The following DIAPH3 variants were observed in gnomAD, a reference collection of about 807,000 sequenced individuals.
DIAPH3 encodes the protein diaphanous related formin 3.
A neutral mutation model predicts 144.3 loss-of-function variants in DIAPH3; 117 were observed. The observed-to-expected ratio is 0.81, with a 90% CI of 0.70 to 0.95. DIAPH3 has a LOEUF of 0.95. Among genes scored for constraint, DIAPH3 ranks in the 40% least tolerant of loss-of-function variants. The pLI, the probability that DIAPH3 is intolerant of heterozygous loss-of-function variation, is 0.00. For missense variants in DIAPH3, 1,421 were observed against 1,412.7 expected, an observed-to-expected ratio of 1.01 and a Z score of -0.09; for synonymous variants, 519 against 488.9, an observed-to-expected ratio of 1.06 and a Z score of -0.81.
intron 17 of DIAPH3, among the ~76,000 whole-genome samples, chr13:59,941,527 A>G (rs765432007): frequency 6.6e-6 from 1 of 152,072 alleles, no homozygotes; most frequent in Non-Finnish European, 1.5e-5. Context: ...TCCTGTCTGG[A>G]CCTCCACAGG....
intron 20 of DIAPH3, among the ~76,000 whole-genome samples, chr13:59,896,402 A>G (rs1419602301): frequency 2.0e-5 from 3 of 152,144 alleles, no homozygotes; most frequent in Non-Finnish European, 4.4e-5. Context: ...CCAAACCATC[A>G]TCTTTTGAGT....
intron 27 of DIAPH3, among the ~76,000 whole-genome samples, chr13:59,697,297 A>G (rs542219980): frequency 8.4e-4 from 128 of 151,620 alleles, no homozygotes; most frequent in African/African-American, 2.8e-3. Flanking sequence ...GTCTCTACTA[A>G]AAATACAAAA....
rs527589551 is a variant in DIAPH3 at position 59,752,647 on chromosome 13, C to T, written c.3319+21542G>A. 1.7e-3 allele frequency among the ~76,000 whole-genome samples: 257 copies of T among 152,226 alleles called. 1 individual carries two copies. The highest frequency in any genetic ancestry group is 3.0e-3 in the Non-Finnish European group (203 of 68,016). On this transcript the variant is annotated intron_variant, in intron 27 of 27. Coordinates refer to ENST00000400324, the MANE Select transcript of DIAPH3 (RefSeq NM_001042517.2). ...ACTTCCAAAGTGCTGGGATTACAGA[C>T]GTGAGCCACTGCACCCAGCTAATGT...
At chr13:59,922,605 T>C (rs1347824094) in intron 18 of DIAPH3, among the ~76,000 whole-genome samples, 1 of 152,004 alleles carries the variant, frequency 6.6e-6, no homozygotes, top group African/African-American at 2.4e-5. Context: ...AACTCTAAAT[T>C]TCATGACAAA....
chr13:60,032,581 G>A (rs192735887), intron 5 of DIAPH3, among the ~76,000 whole-genome samples: 10 of 152,302 alleles, frequency 6.6e-5, no homozygotes, highest in South Asian at 6.2e-4. Flanking sequence ...AGCTGGAGCC[G>A]GAGTGGCAGG....
chr13:59,826,745 C>G (rs1230425849), intron 24 of DIAPH3, among the ~76,000 whole-genome samples: 1 of 151,944 alleles, frequency 6.6e-6, no homozygotes, highest in Non-Finnish European at 1.5e-5. Flanking sequence ...GCCAAAAGAA[C>G]AAAGCTGGAG....
chr13:59,672,210 A>G (rs2032411796), intron 27 of DIAPH3, among the ~76,000 whole-genome samples: 1 of 152,200 alleles, frequency 6.6e-6, no homozygotes, highest in East Asian at 1.9e-4. Flanking sequence ...AGTATCAGTT[A>G]TGGTTCAGAA....
At chr13:59,836,203 C>A (rs935681109) in intron 23 of DIAPH3, among the ~76,000 whole-genome samples, 2 of 151,746 alleles carry the variant, frequency 1.3e-5, no homozygotes, top group Non-Finnish European at 3.0e-5. Context: ...TCTATTTGTT[C>A]TTCTCCTTAA....
rs140246560 is a variant in DIAPH3, at chr13:59,998,173, C to T, written c.1015-5590G>A. On this transcript the variant is annotated intron_variant, in intron 9 of 27. Coordinates refer to ENST00000400324, the MANE Select transcript of DIAPH3 (RefSeq NM_001042517.2). ...CATTGAAGTAACTGCATATACCCCA[C>T]ATTGACTCAGAGAAATAAAATGCAG... is the stretch of plus-strand genomic sequence containing the variant. 3.2e-4 allele frequency among the ~76,000 whole-genome samples: 49 copies of T among 152,178 alleles called. No individual in the cohort carries two copies. In the East Asian group the frequency reaches 8.1e-3, roughly 25 times the overall value.
At chr13:59,789,305 T>C (rs1222062494) in intron 25 of DIAPH3, among the ~76,000 whole-genome samples, 2 of 152,126 alleles carry the variant, frequency 1.3e-5, no homozygotes, top group African/African-American at 4.8e-5. Context: ...TGGGTAGAAG[T>C]TTCACTTGTC....
At chr13:59,772,680 C>T (rs2038186212) in intron 27 of DIAPH3, among the ~76,000 whole-genome samples, 1 of 151,916 alleles carries the variant, frequency 6.6e-6, no homozygotes, top group Non-Finnish European at 1.5e-5. Flanking sequence ...CTAATTTTCC[C>T]CCACATAGTA....
intron 27 of DIAPH3, among the ~76,000 whole-genome samples, chr13:59,676,163 G>A (rs1044860907): frequency 6.6e-6 from 1 of 152,126 alleles, no homozygotes; most frequent in South Asian, 2.1e-4. Flanking sequence ...AAGACCCCTT[G>A]TTACTTGGTG....
In DIAPH3 at chr13:59,988,242, A is replaced by G. The variant is rs184010713; in HGVS notation, c.1361+2916T>C. Among the ~76,000 whole-genome samples, 501 of 151,954 alleles carry G rather than the reference A, an allele frequency of 3.3e-3. 2 individuals carry two copies. The highest frequency in any genetic ancestry group is 0.011 in the African/African-American group (461 of 41,516). On this transcript the variant is annotated intron_variant, in intron 12 of 27. Transcript: ENST00000400324. ...TGCCTCTATTTGTTCAAGTTCTTTCAAGACATTATCTCCCATCCCCAAATA... is the reference window on the plus strand; with the variant it reads ...TGCCTCTATTTGTTCAAGTTCTTTCGAGACATTATCTCCCATCCCCAAATA...
At chr13:59,724,414 G>A (rs1276848576) in intron 27 of DIAPH3, among the ~76,000 whole-genome samples, 2 of 152,012 alleles carry the variant, frequency 1.3e-5, no homozygotes, top group African/African-American at 2.4e-5. Context: ...GGTAATCCAC[G>A]GCCTTATAAA....
At chr13:59,741,907 T>G (rs1184943143) in intron 27 of DIAPH3, among the ~76,000 whole-genome samples, 1 of 152,112 alleles carries the variant, frequency 6.6e-6, no homozygotes, top group Non-Finnish European at 1.5e-5. Flanking sequence ...CAGAAAAGCA[T>G]ATTGTATTAG....
At chr13:59,836,587 A>C (rs1224084274) in intron 23 of DIAPH3, among the ~76,000 whole-genome samples, 1 of 151,902 alleles carries the variant, frequency 6.6e-6, no homozygotes, top group South Asian at 2.1e-4. Context: ...AAAGAATAAA[A>C]ATACAACATA....
intron 25 of DIAPH3, among the ~76,000 whole-genome samples, chr13:59,781,662 T>C (rs2038745361): frequency 1.3e-5 from 2 of 152,338 alleles, no homozygotes; most frequent in Middle Eastern, 6.8e-3. Context: ...CCAGATCCAT[T>C]GAAGACTTTG....
At chr13:59,875,564 G>C (rs1449865224) in intron 21 of DIAPH3, among the ~76,000 whole-genome samples, 2 of 151,856 alleles carry the variant, frequency 1.3e-5, no homozygotes. Flanking sequence ...CTCATTTGTT[G>C]TTTATAACAC....
At chr13:59,990,404 G>C (rs976040274) in intron 12 of DIAPH3, among the ~76,000 whole-genome samples, 5 of 151,834 alleles carry the variant, frequency 3.3e-5, no homozygotes, top group Admixed American at 3.3e-4. Flanking sequence ...CAAAGTATAA[G>C]AGAATGAAAT....
Sources: gnomAD v4.1 joint callset for allele counts (sites outside exome capture counted in the v4.1 genomes callset) on GRCh38, gnomAD v4.1.1 for gene constraint, MANE v1.5 for transcripts, NCBI Gene and HGNC (gene_info 2026-07-23, HGNC 2026-07-21) for gene names.